CAPZA2: variants seen among roughly 807,000 people sequenced by gnomAD.
CAPZA2 encodes the protein capping actin protein of muscle Z-line subunit alpha 2.
CAPZA2 carries 13 observed loss-of-function variants against 44.0 expected under a neutral mutation model. The observed-to-expected ratio is 0.30, with a 90% CI of 0.19 to 0.47. The LOEUF is 0.47. Among genes scored for constraint, CAPZA2 ranks in the 20% least tolerant of loss-of-function variants. The pLI is 1.00. For synonymous variants in CAPZA2, 94 were observed against 108.2 expected (o/e 0.87, Z 0.81); for missense variants, 244 against 338.6 (o/e 0.72, Z 2.19).
Position 116,904,357 on chromosome 7 carries a change from G to C in CAPZA2, c.400G>C (p.Glu134Gln). ...VETALRAYVK[E>Q]HYPNGVCTVY... ...AACTGCTCTGAGAGCTTACGTAAAA[G>C]AACATTACCCGAATGGAGTCTGCAC... The change falls in exon 5 of 10, where the codon GAA becomes CAA. Residue 134 changes from glutamate to glutamine, a missense_variant. By Grantham distance (29) the Glu-to-Gln change is conservative. Coordinates refer to ENST00000361183, the MANE Select transcript of CAPZA2 (RefSeq NM_006136.3). 6.2e-7 allele frequency: 1 copy of C among 1,612,984 alleles called. No individual in the cohort carries two copies. Among genetic ancestry groups the C allele is most frequent in the Non-Finnish European group, 8.5e-7 (1 of 1,178,994 alleles).
chr7:116,885,976 A>G (rs998110441), intron 1 of CAPZA2: 2 of 154,646 alleles, frequency 1.3e-5, no homozygotes, highest in Admixed American at 1.3e-4. Flanking sequence ...CAGCCCTCTA[A>G]TCTTGCCTCC....
At chr7:116,888,290 A>G (rs1014910685) in intron 2 of CAPZA2, 100 bp downstream of exon 2, 4 of 745,216 alleles carry the variant, frequency 5.4e-6, no homozygotes, top group Admixed American at 5.3e-5. Context: ...ATGCAGAAAA[A>G]TCTGTGTTTT....
intron 1 of CAPZA2, chr7:116,880,049 A>AT (rs369542078): frequency 3.3e-4 from 153 of 459,942 alleles, no homozygotes; most frequent in South Asian, 7.9e-4. Flanking sequence ...GCTCTGATTG[A>AT]TTTTTTTTTC....
chr7:116,908,067 T>C (rs1050465512), intron 6 of CAPZA2, among the ~76,000 whole-genome samples: 2 of 150,136 alleles, frequency 1.3e-5, no homozygotes, highest in African/African-American at 4.9e-5. Context: ...TCAAGAAACC[T>C]GGGCAACATA....
chr7:116,865,581 A>G (rs757782666), intron 1 of CAPZA2, among the ~76,000 whole-genome samples: 20 of 150,862 alleles, frequency 1.3e-4, no homozygotes, highest in South Asian at 1.3e-3. Context: ...AAAAGGAGAA[A>G]CGTTGATTCT....
chr7:116,902,455 ATACT>A (rs965663558), intron 4 of CAPZA2, among the ~76,000 whole-genome samples: 31 of 152,324 alleles, frequency 2.0e-4, no homozygotes, highest in African/African-American at 7.2e-4. Context: ...GTGAAAAGCC[ATACT>A]TAGTTTTATC....
At chr7:116,892,595 A>G (rs920953940) in intron 2 of CAPZA2, among the ~76,000 whole-genome samples, 24 of 152,044 alleles carry the variant, frequency 1.6e-4, no homozygotes, top group African/African-American at 5.8e-4. Flanking sequence ...AAGAAGAAGA[A>G]TTGTCTTGGG....
At chr7:116,896,572 GAA>G (rs1289806537) in intron 3 of CAPZA2, among the ~76,000 whole-genome samples, 1 of 152,058 alleles carries the variant, frequency 6.6e-6, no homozygotes, top group East Asian at 1.9e-4. Context: ...TTAATAGTAA[GAA>G]AAATGATGTG....
At chr7:116,879,235 T>G (rs1396634309) in intron 1 of CAPZA2, among the ~76,000 whole-genome samples, 1 of 152,134 alleles carries the variant, frequency 6.6e-6, no homozygotes, top group African/African-American at 2.4e-5. Flanking sequence ...TATTATTTAT[T>G]CACCCAAGGT....
At chr7:116,890,315 T>TATGG (rs1796814228) in intron 2 of CAPZA2, among the ~76,000 whole-genome samples, 1 of 151,484 alleles carries the variant, frequency 6.6e-6, no homozygotes, top group South Asian at 2.1e-4. Context: ...GAGGGTAAGC[T>TATGG]ATGGAATAGA....
rs1202648918 is a variant in CAPZA2, at chr7:116,890,541, T to A, written c.103+2351T>A. 9.3e-3 allele frequency among the ~76,000 whole-genome samples: 149 copies of A among 16,108 alleles called. 10 individuals carry two copies. Among genetic ancestry groups the A allele is most frequent in the African/African-American group, 0.034 (108 of 3,186 alleles). 10.6% of individuals were successfully genotyped at this position (16,108 alleles called of 152,430 possible). ...AAAAAAAAAAATATATATATATATA[T>A]ATATATATATATATATATATATATA... On this transcript the variant is annotated intron_variant, in intron 2 of 9. Coordinates refer to ENST00000361183, the MANE Select transcript of CAPZA2 (RefSeq NM_006136.3).
chr7:116,864,757 A>G (rs771816092), intron 1 of CAPZA2, among the ~76,000 whole-genome samples: 39 of 152,144 alleles, frequency 2.6e-4, no homozygotes, highest in African/African-American at 9.2e-4. Flanking sequence ...TAAGCTCTTA[A>G]GCTGGGCACG....
chr7:116,899,148 G>A (rs762539019), intron 4 of CAPZA2, among the ~76,000 whole-genome samples: 29 of 151,962 alleles, frequency 1.9e-4, no homozygotes, highest in Non-Finnish European at 3.4e-4. Flanking sequence ...TATATGTGTA[G>A]TAGATTTATA....
At chr7:116,890,611 CACAT>C (rs1417724636) in intron 2 of CAPZA2, among the ~76,000 whole-genome samples, 9 of 64,266 alleles carry the variant, frequency 1.4e-4, no homozygotes, top group South Asian at 1.2e-3. Context: ...CACACACACA[CACAT>C]ATATACAAAA....
At chr7:116,866,883 C>T (rs1796490112) in intron 1 of CAPZA2, among the ~76,000 whole-genome samples, 1 of 152,140 alleles carries the variant, frequency 6.6e-6, no homozygotes, top group Admixed American at 6.5e-5. Context: ...ATGGAGCTTG[C>T]CTAGAAGTAA....
At chr7:116,881,506 A>G (rs544889519) in intron 1 of CAPZA2, among the ~76,000 whole-genome samples, 10 of 152,150 alleles carry the variant, frequency 6.6e-5, no homozygotes, top group Admixed American at 2.0e-4. Flanking sequence ...TCGGGAGGCC[A>G]AGGTGGGCGG....
intron 1 of CAPZA2, among the ~76,000 whole-genome samples, chr7:116,881,315 G>C (rs1006083174): frequency 2.0e-5 from 3 of 152,072 alleles, no homozygotes; most frequent in Non-Finnish European, 2.9e-5. Context: ...GAAGAACTAA[G>C]TACAAAGAGC....
At chr7:116,880,039 GCT>G (rs1562958021) in intron 1 of CAPZA2, 1 of 462,344 alleles carries the variant, frequency 2.2e-6, no homozygotes, top group South Asian at 1.6e-5. Flanking sequence ...AGTTTCTCCC[GCT>G]CTGATTGATT....
At chr7:116,898,735 A>G in intron 3 of CAPZA2, 37 bp from the exon 4 acceptor site, 1 of 1,374,302 alleles carries the variant, frequency 7.3e-7, no homozygotes, top group South Asian at 1.3e-5. Flanking sequence ...AACATTAAAT[A>G]TATAATTTTA....
Sources: allele counts gnomAD v4.1 joint callset (sites outside exome capture counted in the v4.1 genomes callset), GRCh38; gene constraint gnomAD v4.1.1; transcripts MANE v1.5; gene names NCBI Gene and HGNC (gene_info 2026-07-23, HGNC 2026-07-21).